The following WWOX variants were observed in gnomAD, a reference collection of about 807,000 sequenced individuals.
WWOX encodes the protein WW domain containing oxidoreductase.
Under a neutral mutation model 46.2 loss-of-function variants are expected in WWOX, and 69 were observed. The ratio of observed to expected loss-of-function variants is 1.49; its 90% CI spans 1.23 to 1.82. The LOEUF is 1.82. Ranked by LOEUF, WWOX falls within the 40% of genes most tolerant of loss-of-function variation. The probability of loss-of-function intolerance (pLI) is 0.00; values close to 1 mark genes in which losing one functional copy is unlikely to be tolerated. For synonymous variants in WWOX, 359 were observed against 202.6 expected, an observed-to-expected ratio of 1.77 and a Z score of -6.56; for missense variants, 919 against 542.6, an observed-to-expected ratio of 1.69 and a Z score of -6.89.
At chr16:79,116,849 A>C (rs2049526241) in intron 8 of WWOX, among the ~76,000 whole-genome samples, 1 of 152,032 alleles carries the variant, frequency 6.6e-6, no homozygotes, top group Non-Finnish European at 1.5e-5. Flanking sequence ...ATCCATCAGA[A>C]GAATACAGTA....
chr16:78,717,055 G>C (rs1377711417), intron 8 of WWOX, among the ~76,000 whole-genome samples: 1 of 152,166 alleles, frequency 6.6e-6, no homozygotes, highest in Admixed American at 6.5e-5. Flanking sequence ...TCTCTGAAAA[G>C]TTTAAAAGGG....
intron 8 of WWOX, among the ~76,000 whole-genome samples, chr16:78,861,110 G>T (rs2043875062): frequency 6.6e-6 from 1 of 152,126 alleles, no homozygotes; most frequent in South Asian, 2.1e-4. Context: ...GTGAGCCACT[G>T]TGCACAGCCT....
chr16:79,066,594 C>G (rs894823714), intron 8 of WWOX, among the ~76,000 whole-genome samples: 1 of 152,198 alleles, frequency 6.6e-6, no homozygotes, highest in African/African-American at 2.4e-5. Context: ...GAAAGCTCAC[C>G]TCTTTACAGC....
At chr16:79,200,560 C>T (rs185873911) in intron 8 of WWOX, among the ~76,000 whole-genome samples, 5 of 152,202 alleles carry the variant, frequency 3.3e-5, no homozygotes, top group Middle Eastern at 3.4e-3. Context: ...GGATATTGTG[C>T]GAATCAGAAG....
intron 8 of WWOX, among the ~76,000 whole-genome samples, chr16:78,461,874 G>A (rs77176073): frequency 0.017 from 2,579 of 152,276 alleles, 44 homozygotes; most frequent in Non-Finnish European, 0.02. Flanking sequence ...ACCAACTGCT[G>A]GCAGTTTCCC....
At chr16:78,278,466 GGAA>G in intron 5 of WWOX, 1 of 813,286 alleles carries the variant, frequency 1.2e-6, no homozygotes, top group Non-Finnish European at 1.9e-6. Flanking sequence ...AGGAGGTGTT[GGAA>G]GAAGGTTTTA....
intron 8 of WWOX, among the ~76,000 whole-genome samples, chr16:78,522,101 A>T (rs1399055553): frequency 6.6e-6 from 1 of 151,592 alleles, no homozygotes; most frequent in African/African-American, 2.4e-5. Context: ...CTCTTTTCAT[A>T]TACAAGGGAA....
intron 8 of WWOX, among the ~76,000 whole-genome samples, chr16:78,756,312 A>T (rs2049644804): frequency 6.6e-6 from 1 of 151,210 alleles, no homozygotes; most frequent in Non-Finnish European, 1.5e-5. Context: ...TCTAATGTGT[A>T]TTTGAAACAA....
chr16:78,477,769 T>C (rs978024005), intron 8 of WWOX, among the ~76,000 whole-genome samples: 4 of 152,180 alleles, frequency 2.6e-5, no homozygotes, highest in Non-Finnish European at 2.9e-5. Context: ...AATTTTTTAA[T>C]TGTAGAAGGA....
chr16:78,763,917 C>G (rs1258634149), intron 8 of WWOX, among the ~76,000 whole-genome samples: 1 of 152,184 alleles, frequency 6.6e-6, no homozygotes, highest in East Asian at 1.9e-4. Flanking sequence ...AAACCCTCTT[C>G]TATTTCCTTT....
At chr16:78,133,214 G>A (rs546693531) in intron 4 of WWOX, among the ~76,000 whole-genome samples, 26 of 152,162 alleles carry the variant, frequency 1.7e-4, no homozygotes, top group Non-Finnish European at 3.7e-4. Flanking sequence ...AACCTTATCC[G>A]CGTGTTATGT....
chr16:79,132,571 A>T (rs914290491), intron 8 of WWOX, among the ~76,000 whole-genome samples: 2 of 151,910 alleles, frequency 1.3e-5, no homozygotes, highest in African/African-American at 4.8e-5. Context: ...CAACCTTTCC[A>T]TTTGCTCTCT....
At chr16:78,566,784 C>G (rs1356755564) in intron 8 of WWOX, among the ~76,000 whole-genome samples, 3 of 152,112 alleles carry the variant, frequency 2.0e-5, no homozygotes, top group South Asian at 2.1e-4. Flanking sequence ...AAACTGAGCA[C>G]CGATAGAGTA....
chr16:79,139,065 G>A (rs1036299593), intron 8 of WWOX, among the ~76,000 whole-genome samples: 8 of 152,082 alleles, frequency 5.3e-5, no homozygotes, highest in Admixed American at 2.6e-4. Flanking sequence ...CCCCCTCAGC[G>A]TTCACACATG....
chr16:79,140,728 T>TA (rs1315877345), intron 8 of WWOX, among the ~76,000 whole-genome samples: 1 of 152,194 alleles, frequency 6.6e-6, no homozygotes, highest in Non-Finnish European at 1.5e-5. Context: ...GACATGGTCT[T>TA]TTGTCTGTTA....
intron 8 of WWOX, among the ~76,000 whole-genome samples, chr16:78,531,853 G>A (rs1240224505): frequency 1.3e-5 from 2 of 152,084 alleles, no homozygotes; most frequent in African/African-American, 4.8e-5. Flanking sequence ...GGAAGACTCT[G>A]TCTCAAAATA....
At chr16:78,472,460 T>C (rs550606440) in intron 8 of WWOX, among the ~76,000 whole-genome samples, 1 of 152,188 alleles carries the variant, frequency 6.6e-6, no homozygotes, top group African/African-American at 2.4e-5. Context: ...TTTCTCTTGC[T>C]TTTCTCTAAA....
intron 8 of WWOX, among the ~76,000 whole-genome samples, chr16:78,924,874 G>A (rs1290306210): frequency 2.6e-5 from 4 of 152,172 alleles, no homozygotes; most frequent in South Asian, 4.1e-4. Context: ...CTAGCACACA[G>A]TGTGCTCTCA....
At chr16:79,023,260 T>A (rs1268097949) in intron 8 of WWOX, among the ~76,000 whole-genome samples, 1 of 152,198 alleles carries the variant, frequency 6.6e-6, no homozygotes, top group African/African-American at 2.4e-5. Context: ...GAATTACTGT[T>A]CTCCCTTTGC....
Sources: gnomAD v4.1 joint callset for allele counts (sites outside exome capture counted in the v4.1 genomes callset) on GRCh38, gnomAD v4.1.1 for gene constraint, MANE v1.5 for transcripts, NCBI Gene and HGNC (gene_info 2026-07-23, HGNC 2026-07-21) for gene names.